The following DST variants were observed in gnomAD, a reference collection of about 807,000 sequenced individuals.
DST encodes the protein bullous pemphigoid antigen.
Under a neutral mutation model 875.2 loss-of-function variants are expected in DST, and 253 were observed. The observed-to-expected ratio is 0.29, with a 90% confidence interval of 0.26 to 0.32. The LOEUF is 0.32. DST is among the 10% of genes least tolerant of loss of function. DST has a pLI of 1.00. For missense variants in DST, 8,287 were observed against 9,111.6 expected, an observed-to-expected ratio of 0.91 and a Z score of 3.68; for synonymous variants, 3,124 against 3,197.1, an observed-to-expected ratio of 0.98 and a Z score of 0.77.
At chr6:56,948,181 T>C (rs1820642940) in intron 2 of DST, among the ~76,000 whole-genome samples, 1 of 152,332 alleles carries the variant, frequency 6.6e-6, no homozygotes, top group South Asian at 2.1e-4. Context: ...AGATAGAAGA[T>C]TCATTCTTGT....
chr6:56,607,721 C>A lies in DST; in HGVS notation c.6907G>T (p.Glu2303Ter), dbSNP rs1416256967. Residue 2303 changes from glutamate (E) to a stop codon, truncating the protein, a stop_gained, in exon 40 of 104, where the codon GAA (glutamate) becomes TAA (stop). Coordinates refer to ENST00000680361, the MANE Select transcript of DST (RefSeq NM_001374736.1). LOFTEE classifies it high-confidence loss of function. ...PENRKCAIDE[E>*]FNEMRNTVIN... ...ACAGTATTTCTCATTTCATTAAATTCTTCATCTATAGCACACTTTCTATTT... is the reference window on the plus strand; with the variant it reads ...ACAGTATTTCTCATTTCATTAAATTATTCATCTATAGCACACTTTCTATTT... 1 of 1,613,440 alleles carries A rather than the reference C, an allele frequency of 6.2e-7. No homozygotes were observed. The highest frequency in any genetic ancestry group is 8.5e-7 in the Non-Finnish European group (1 of 1,179,672).
At chr6:56,836,794 T>A (rs2099794101) in intron 4 of DST, among the ~76,000 whole-genome samples, 1 of 141,660 alleles carries the variant, frequency 7.1e-6, no homozygotes, top group South Asian at 2.2e-4. Context: ...GAGCTTGCAG[T>A]GAGCCAAGAT....
intron 9 of DST, among the ~76,000 whole-genome samples, chr6:56,691,841 C>T (rs957531627): frequency 3.9e-5 from 6 of 152,196 alleles, no homozygotes; most frequent in South Asian, 2.1e-4. Context: ...AAAGATGTAC[C>T]CTAGCCCTCA....
At chr6:56,463,494 T>C (rs1413629292) in intron 101 of DST, 71 bp downstream of exon 101, 6 of 1,364,514 alleles carry the variant, frequency 4.4e-6, no homozygotes, top group Middle Eastern at 2.2e-4. Flanking sequence ...GGGCCCTAAA[T>C]AGAACATTCA....
rs116504133 is a variant in DST, at chr6:56,526,577, T to C, written c.17923-10A>G. 3.2e-3 allele frequency: 5,209 copies of C among 1,611,876 alleles called. 135 individuals are homozygous for C. In the African/African-American group the frequency reaches 0.059, roughly 18 times the overall value. On this transcript the variant is annotated splice_polypyrimidine_tract_variant and intron_variant, in intron 68 of 103. Coordinates refer to ENST00000680361, the MANE Select transcript of DST (RefSeq NM_001374736.1). ...CTTCCTTTTTCAGTTCCTGAAAACA[T>C]ACAAATAAGTTAGTAACACTTAAGA...
intron 5 of DST, among the ~76,000 whole-genome samples, chr6:56,727,839 GGCAT>G (rs1250121117): frequency 6.6e-6 from 1 of 152,160 alleles, no homozygotes; most frequent in African/African-American, 2.4e-5. Context: ...ATAATGCAAT[GGCAT>G]GATGTAGTTC....
intron 8 of DST, among the ~76,000 whole-genome samples, chr6:56,700,525 T>C (rs913295426): frequency 2.0e-5 from 3 of 152,202 alleles, no homozygotes; most frequent in Non-Finnish European, 4.4e-5. Context: ...ACTAGCATTA[T>C]TTTGCTATCA....
intron 2 of DST, among the ~76,000 whole-genome samples, chr6:56,911,503 G>A (rs1236566070): frequency 1.3e-5 from 2 of 152,180 alleles, no homozygotes; most frequent in Non-Finnish European, 2.9e-5. Context: ...AGCTAGTGGA[G>A]TGGAATGGAG....
chr6:56,881,439 C>A (rs1782171741), intron 3 of DST, among the ~76,000 whole-genome samples: 1 of 152,106 alleles, frequency 6.6e-6, no homozygotes, highest in Non-Finnish European at 1.5e-5. Context: ...TGCCATTACA[C>A]TCCGGCCTGG....
intron 4 of DST, chr6:56,742,284 C>T (rs1319358480): frequency 1.6e-5 from 20 of 1,289,310 alleles, no homozygotes; most frequent in Non-Finnish European, 1.9e-5. Context: ...TACAGCACAT[C>T]AGTCCCACCA....
At chr6:56,934,737 A>T (rs941548834) in intron 2 of DST, among the ~76,000 whole-genome samples, 2 of 150,700 alleles carry the variant, frequency 1.3e-5, no homozygotes, top group African/African-American at 4.9e-5. Context: ...GACATTAAGG[A>T]TGCCTCTAGG....
At chr6:56,623,142 T>G (rs2098705351) in intron 36 of DST, among the ~76,000 whole-genome samples, 1 of 152,234 alleles carries the variant, frequency 6.6e-6, no homozygotes, top group African/African-American at 2.4e-5. Context: ...TTTGACATTT[T>G]TAAGGACAAT....
Position 56,639,509 on chromosome 6 carries a change from C to A in DST, c.2800G>T (p.Val934Phe). ...TTTCTCTCACTCCAGTCATAAGCAA[C>A]TTCCTCCTCTTCTTTTTCATTCAAC... ...IWLNEKEEEE[V>F]AYDWSERNTN... The change falls in exon 21 of 104, where the codon GTT becomes TTT. Residue 934 changes from valine to phenylalanine, a missense_variant. By Grantham distance (50) the Val-to-Phe change is conservative (BLOSUM62 -1). This residue lies in a region of DST where 1,160 missense variants were observed against 1,424.3 expected (regional missense o/e 0.81). Transcript: ENST00000680361. The A allele has an allele frequency of 6.2e-7, 1 of 1,613,854 alleles. No individual in the cohort carries two copies. The highest frequency in any genetic ancestry group is 8.5e-7 in the Non-Finnish European group (1 of 1,179,898).
At chr6:56,522,217 G>A (rs1176968270) in intron 69 of DST, among the ~76,000 whole-genome samples, 1 of 152,130 alleles carries the variant, frequency 6.6e-6, no homozygotes, top group Non-Finnish European at 1.5e-5. Context: ...CCTGACAGCT[G>A]TATCATGTAT....
rs1180566425 is a variant in DST at position 56,645,888 on chromosome 6, C to T, written c.1756G>A (p.Ala586Thr). The T allele has an allele frequency of 1.9e-6, 3 of 1,613,712 alleles. No homozygotes were observed. The highest frequency in any genetic ancestry group is 8.5e-7 in the Non-Finnish European group (1 of 1,179,730). Residue 586 changes from alanine to threonine, a missense_variant, in exon 15 of 104, where the codon GCC (alanine) becomes ACC (threonine). Transcript: ENST00000680361. ...LIIAMLEREK[A>T]LRPEVERLEM... ...TACCTTTCTACTTCTGGACGAAGGGCCTTCTCTCTCTCTAGCATGGCAATA... is the reference window on the plus strand; with the variant it reads ...TACCTTTCTACTTCTGGACGAAGGGTCTTCTCTCTCTCTAGCATGGCAATA...
rs2096795286 is a variant in DST, at chr6:56,526,262, T to C, written c.18129+99A>G. On this transcript the variant is annotated intron_variant, in intron 69 of 103. Transcript: ENST00000680361. ...TCTTTCATTTTGGAAGCACAGCAAATGAATGGAAACAGTATTAACAGTCAT... is the reference window on the plus strand; with the variant it reads ...TCTTTCATTTTGGAAGCACAGCAAACGAATGGAAACAGTATTAACAGTCAT... 3.2e-6 allele frequency: 4 copies of C among 1,247,972 alleles called. No individual in the cohort carries two copies. The South Asian group carries it at 4.4e-5, about 14-fold the overall frequency. The allele number at this position is 1,247,972 out of a possible 1,614,324, so 77.3% of individuals were successfully genotyped here. A position where few individuals can be genotyped will look rare whatever the true frequency, so the allele number is the denominator to read the frequency against.
intron 10 of DST, among the ~76,000 whole-genome samples, chr6:56,661,767 T>C (rs1034375102): frequency 6.6e-6 from 1 of 152,144 alleles, no homozygotes; most frequent in African/African-American, 2.4e-5. Context: ...TTTGTATTTT[T>C]AGTAGAGCCG....
At chr6:56,488,920 A>T (rs1172586033) in intron 86 of DST, among the ~76,000 whole-genome samples, 1 of 152,192 alleles carries the variant, frequency 6.6e-6, no homozygotes, top group Non-Finnish European at 1.5e-5. Flanking sequence ...GAAAATATTT[A>T]AAAAACAATG....
At chr6:56,471,293 T>C (rs753863193) in intron 94 of DST, 25 bp from the exon 95 acceptor site, 13 of 1,546,988 alleles carry the variant, frequency 8.4e-6, no homozygotes, top group African/African-American at 4.1e-5. Context: ...AGTATTTTGA[T>C]TGAGTTAATG....
Sources: allele counts gnomAD v4.1 joint callset (sites outside exome capture counted in the v4.1 genomes callset), GRCh38; gene constraint gnomAD v4.1.1; regional missense constraint gnomAD v4.1.1; transcripts MANE v1.5; gene names NCBI Gene and HGNC (gene_info 2026-07-23, HGNC 2026-07-21).